MYCBP: variants seen among roughly 807,000 people sequenced by gnomAD.
MYCBP encodes C-Myc-binding protein.
A neutral mutation model predicts 16.8 loss-of-function variants in MYCBP; 5 were observed. That is an observed-to-expected ratio of 0.30 (90% CI 0.16 to 0.63). The LOEUF is 0.63. MYCBP is among the 20% of genes least tolerant of loss of function. The pLI, the probability that MYCBP is intolerant of heterozygous loss-of-function variation, is 0.83. For synonymous variants in MYCBP, 35 were observed against 43.7 expected (o/e 0.80, Z 0.79); for missense variants, 103 against 121.8 (o/e 0.85, Z 0.73).
At chr1:38,868,945 A>T (rs1485950304) in intron 2 of MYCBP, among the ~76,000 whole-genome samples, 1 of 152,064 alleles carries the variant, frequency 6.6e-6, no homozygotes, top group Non-Finnish European at 1.5e-5. Context: ...AAAAACAGTG[A>T]TAGATATCTA....
rs768817051 is a variant in MYCBP, at chr1:38,873,329, T to C, written c.-24A>G. The C allele has an allele frequency of 3.8e-6, 6 of 1,599,490 alleles. No homozygotes were observed. The highest frequency in any genetic ancestry group is 1.3e-5 in the African/African-American group (1 of 74,980). ...ATAGTGACAGCGGCAGCGGCGTAGC[T>C]GGCGCCGGAGACCGCGACTGGCGGG... On this transcript the variant is annotated 5_prime_UTR_variant, in exon 1 of 5. Coordinates refer to ENST00000397572, the MANE Select transcript of MYCBP (RefSeq NM_012333.5).
chr1:38,868,138 A>C (rs1642379193), intron 2 of MYCBP, among the ~76,000 whole-genome samples: 2 of 152,220 alleles, frequency 1.3e-5, no homozygotes, highest in South Asian at 4.1e-4. Flanking sequence ...ATCCACTCTT[A>C]ACTGCTATGT....
chr1:38,868,642 A>G (rs1409000085), intron 2 of MYCBP, among the ~76,000 whole-genome samples: 4 of 152,206 alleles, frequency 2.6e-5, no homozygotes, highest in Non-Finnish European at 5.9e-5. Context: ...GCAGTGGCTC[A>G]CACCTGTAAT....
intron 4 of MYCBP, among the ~76,000 whole-genome samples, chr1:38,865,534 G>A (rs1454566662): frequency 1.3e-5 from 2 of 152,204 alleles, no homozygotes; most frequent in Non-Finnish European, 2.9e-5. Context: ...TGGGTGAGGT[G>A]GCTCATGCCT....
intron 2 of MYCBP, 63 bp downstream of exon 2, chr1:38,872,955 G>A: frequency 2.0e-6 from 3 of 1,527,282 alleles, no homozygotes; most frequent in Non-Finnish European, 2.7e-6. Context: ...GCCCGCTGGG[G>A]AACGGGGCAG....
In MYCBP at chr1:38,873,308, T is replaced by G; in HGVS notation, c.-3A>C. The G allele has an allele frequency of 6.9e-6, 11 of 1,602,654 alleles. No homozygotes were observed. Among genetic ancestry groups the G allele is most frequent in the Non-Finnish European group, 9.3e-6 (11 of 1,178,938 alleles). Reference sequence around the variant, plus strand: ...CCCCTCACTTTGTAATGGGCCATAGTGACAGCGGCAGCGGCGTAGCTGGCG... The same window carrying G: ...CCCCTCACTTTGTAATGGGCCATAGGGACAGCGGCAGCGGCGTAGCTGGCG... On this transcript the variant is annotated 5_prime_UTR_variant, in exon 1 of 5. Transcript: ENST00000397572.
At chr1:38,870,989 C>T (rs919838775) in intron 2 of MYCBP, among the ~76,000 whole-genome samples, 15 of 151,006 alleles carry the variant, frequency 9.9e-5, no homozygotes, top group Non-Finnish European at 1.9e-4. Context: ...CCTGTAATCC[C>T]AGCACTCTGC....
In MYCBP at chr1:38,862,527, A is replaced by G. The variant is rs1358035693; in HGVS notation, c.*2143T>C. On this transcript the variant is annotated 3_prime_UTR_variant, in exon 5 of 5. Coordinates refer to ENST00000397572, the MANE Select transcript of MYCBP (RefSeq NM_012333.5). ...CATTATATTTAATTTGATTCTTACA[A>G]CCAACTTGTGAGATAGGCAAGATGT... is the stretch of plus-strand genomic sequence containing the variant. 6.6e-6 allele frequency among the ~76,000 whole-genome samples: 1 copy of G among 152,198 alleles called. No individual in the cohort carries two copies. The highest frequency in any genetic ancestry group is 6.5e-5 in the Admixed American group (1 of 15,282).
chr1:38,871,330 ACT>A (rs35432929), intron 2 of MYCBP, among the ~76,000 whole-genome samples: 77,511 of 151,076 alleles, frequency 0.51, 22,905 homozygotes, highest in Non-Finnish European at 0.67. Context: ...ACTTCCTGAA[ACT>A]CTGTTTCTTT....
chr1:38,863,110 G>A lies in MYCBP; in HGVS notation c.*1560C>T, dbSNP rs1642274172. On this transcript the variant is annotated 3_prime_UTR_variant, in exon 5 of 5. Coordinates refer to ENST00000397572, the MANE Select transcript of MYCBP (RefSeq NM_012333.5). The stretch of plus-strand genomic sequence containing the variant: ...CACTTAGTCCACTGCTGCCCATGTA[G>A]GAGGCACTCAAATTGGTAAAAGAGA... The A allele has an allele frequency of 6.6e-6, 1 of 152,180 alleles. No individual in the cohort carries two copies. Among genetic ancestry groups the A allele is most frequent in the Non-Finnish European group, 1.5e-5 (1 of 68,028 alleles). The allele number at this position is 152,180 out of a possible 1,614,324, so 9.4% of individuals were successfully genotyped here.
chr1:38,866,480 G>A (rs186307242), intron 4 of MYCBP, among the ~76,000 whole-genome samples: 6 of 149,698 alleles, frequency 4.0e-5, no homozygotes, highest in East Asian at 2.0e-4. Context: ...ACAGTGGCAC[G>A]ATCTTGGCTC....
At position 38,873,297 on chromosome 1, in the gene MYCBP, A is replaced by G; in HGVS notation, c.9T>C (p.His3=). 2 of 1,603,416 alleles carry G rather than the reference A, an allele frequency of 1.2e-6. No homozygotes were observed. The highest frequency in any genetic ancestry group is 1.7e-6 in the Non-Finnish European group (2 of 1,179,046). Residue 3 remains histidine, a synonymous_variant, in exon 1 of 5, where the codon CAT becomes CAC. Coordinates refer to ENST00000397572, the MANE Select transcript of MYCBP (RefSeq NM_012333.5). The part of the protein sequence containing the change: MA[H]YKAADSKREQ... ...CACGCCGCGCCCCCCTCACTTTGTA[A>G]TGGGCCATAGTGACAGCGGCAGCGG...
chr1:38,869,485 C>A (rs778670288), intron 2 of MYCBP, among the ~76,000 whole-genome samples: 1 of 152,164 alleles, frequency 6.6e-6, no homozygotes, highest in Non-Finnish European at 1.5e-5. Flanking sequence ...GTCACTGGTA[C>A]TTGAAAGGTT....
intron 2 of MYCBP, among the ~76,000 whole-genome samples, chr1:38,871,840 T>C (rs1187464892): frequency 6.6e-6 from 1 of 152,176 alleles, no homozygotes; most frequent in Non-Finnish European, 1.5e-5. Flanking sequence ...GAGCCGAGAC[T>C]TTTATCCTCC....
chr1:38,869,352 T>C (rs1414018761), intron 2 of MYCBP, among the ~76,000 whole-genome samples: 2 of 152,168 alleles, frequency 1.3e-5, no homozygotes, highest in African/African-American at 2.4e-5. Flanking sequence ...CCTCCCAAAG[T>C]TCTGGGATTA....
rs1256979617 is a variant in MYCBP, at chr1:38,864,365, C to G, written c.*305G>C. ...ATAGCTCCATGCTAAACTGTCTTGGCTAAAATACAACCAGTGCCATCATTC... is the reference window on the plus strand; with the variant it reads ...ATAGCTCCATGCTAAACTGTCTTGGGTAAAATACAACCAGTGCCATCATTC... On this transcript the variant is annotated 3_prime_UTR_variant, in exon 5 of 5. Coordinates refer to ENST00000397572, the MANE Select transcript of MYCBP (RefSeq NM_012333.5). The G allele has an allele frequency of 5.0e-6, 2 of 398,132 alleles. No homozygotes were observed. Among genetic ancestry groups the G allele is most frequent in the Non-Finnish European group, 9.3e-6 (2 of 213,938 alleles). The allele number at this position is 398,132 out of a possible 1,614,324, so 24.7% of individuals were successfully genotyped here.
At chr1:38,872,943 C>CG in intron 2 of MYCBP, 75 bp downstream of exon 2, 1 of 1,499,286 alleles carries the variant, frequency 6.7e-7, no homozygotes, top group Non-Finnish European at 9.0e-7. Flanking sequence ...CCCCACGCTA[C>CG]GGCCCGCTGG....
chr1:38,872,793 C>T (rs1642493220), intron 2 of MYCBP, among the ~76,000 whole-genome samples: 1 of 152,262 alleles, frequency 6.6e-6, no homozygotes, highest in African/African-American at 2.4e-5. Context: ...GCAACAGCTG[C>T]AAGAGTTTCA....
intron 3 of MYCBP, 111 bp from the exon 4 acceptor site, chr1:38,867,120 A>T: frequency 9.7e-7 from 1 of 1,031,394 alleles, no homozygotes; most frequent in Non-Finnish European, 1.4e-6. Context: ...ACCAATATCT[A>T]CCCAGAGATC....
Sources: allele counts gnomAD v4.1 joint callset (sites outside exome capture counted in the v4.1 genomes callset), GRCh38; gene constraint gnomAD v4.1.1; transcripts MANE v1.5; gene names NCBI Gene and HGNC (gene_info 2026-07-23, HGNC 2026-07-21).